PCDHGA8: variants seen among roughly 807,000 people sequenced by gnomAD.
PCDHGA8 encodes protocadherin gamma-A8.
Under a neutral mutation model 59.2 loss-of-function variants are expected in PCDHGA8, and 45 were observed. The ratio of observed to expected loss-of-function variants is 0.76; its 90% CI spans 0.60 to 0.98. The LOEUF (loss-of-function observed/expected upper bound fraction) is 0.98. Ranked by LOEUF, PCDHGA8 falls within the 50% of genes least tolerant of loss-of-function variation. The pLI, the probability that PCDHGA8 is intolerant of heterozygous loss-of-function variation, is 0.00. For missense variants in PCDHGA8, 1,257 were observed against 1,196.2 expected, an observed-to-expected ratio of 1.05 and a Z score of -0.75; for synonymous variants, 531 against 519.0, an observed-to-expected ratio of 1.02 and a Z score of -0.32.
Position 141,476,489 on chromosome 5 carries a change from A to G in PCDHGA8, c.2425-18318A>G. ...GGAGCTGTTCAGCGTGGAAGTGGTGATCCAGGACATCAACGACAACAATCC... is the reference window on the plus strand; with the variant it reads ...GGAGCTGTTCAGCGTGGAAGTGGTGGTCCAGGACATCAACGACAACAATCC... On this transcript the variant is annotated intron_variant, in intron 1 of 3. Coordinates refer to ENST00000398604, the MANE Select transcript of PCDHGA8 (RefSeq NM_032088.2). The surrounding 1 kb of genome is among the most constrained non-coding windows in gnomAD (Gnocchi z 7.6). The G allele has an allele frequency of 6.2e-7, 1 of 1,613,928 alleles. No individual in the cohort carries two copies. Among genetic ancestry groups the G allele is most frequent in the Non-Finnish European group, 8.5e-7 (1 of 1,179,976 alleles).
intron 1 of PCDHGA8, chr5:141,395,804 A>C (rs150880061): frequency 6.6e-6 from 1 of 152,224 alleles, no homozygotes; most frequent in Non-Finnish European, 1.5e-5. Context: ...ACCATCCTTC[A>C]AAACATGAAC....
rs1460175237 is a variant in PCDHGA8, at chr5:141,485,185, G to A, written c.2425-9622G>A. ...AGCGGGCGGCAGCAATGCTCCGCAAGGTGAGAAGCTGGACAGAAATCTGGC... is the reference window on the plus strand; with the variant it reads ...AGCGGGCGGCAGCAATGCTCCGCAAAGTGAGAAGCTGGACAGAAATCTGGC... On this transcript the variant is annotated intron_variant, in intron 1 of 3. Transcript: ENST00000398604. This position sits in a 1 kb window ranked among gnomAD's most constrained non-coding sequence, Gnocchi z 5.7. 3.1e-6 allele frequency: 5 copies of A among 1,613,528 alleles called. No individual in the cohort carries two copies. Among genetic ancestry groups the A allele is most frequent in the African/African-American group, 2.7e-5 (2 of 75,052 alleles).
Position 141,485,098 on chromosome 5 carries a change from A to G in PCDHGA8, c.2425-9709A>G, listed in dbSNP as rs2099606903. ...CGGGGAAAGGGAGATAGGTGTCTCCAGCTGCTGTGGCTGTTTGGGGCGGGT... is the reference window on the plus strand; with the variant it reads ...CGGGGAAAGGGAGATAGGTGTCTCCGGCTGCTGTGGCTGTTTGGGGCGGGT... On this transcript the variant is annotated intron_variant, in intron 1 of 3. Transcript: ENST00000398604. This position sits in a 1 kb window ranked among gnomAD's most constrained non-coding sequence, Gnocchi z 5.7. 8.8e-7 allele frequency: 1 copy of G among 1,134,792 alleles called. No individual in the cohort carries two copies. Among genetic ancestry groups the G allele is most frequent in the South Asian group, 1.4e-5 (1 of 71,796 alleles). The allele number at this position is 1,134,792 out of a possible 1,614,324, so 70.3% of individuals were successfully genotyped here. A position where few individuals can be genotyped will look rare whatever the true frequency, so the allele number is the denominator to read the frequency against.
intron 2 of PCDHGA8, among the ~76,000 whole-genome samples, chr5:141,496,125 T>C (rs1318749514): frequency 6.8e-6 from 1 of 146,032 alleles, no homozygotes; most frequent in Non-Finnish European, 1.5e-5. Context: ...TCCCTGCCCC[T>C]CACACACTGA....
rs766885846 is a variant in PCDHGA8 at position 141,393,434 on chromosome 5, TCAC to T, written c.626_628del (p.His209del). The stretch of plus-strand genomic sequence containing the variant: ...CCCTGGACAGGGAGGAAGAGGCTGC[TCAC>T]CACCTGGTCCTCACGGCCTCGGATG... On this transcript the variant is annotated inframe_deletion, in exon 1 of 4. Coordinates refer to ENST00000398604, the MANE Select transcript of PCDHGA8 (RefSeq NM_032088.2). 11 of 1,613,902 alleles carry T rather than the reference TCAC, an allele frequency of 6.8e-6. No individual in the cohort carries two copies. The African/African-American group carries it at 1.2e-4, about 18-fold the overall frequency.
intron 1 of PCDHGA8, chr5:141,418,849 G>T (rs1479117344): frequency 1.5e-5 from 25 of 1,613,886 alleles, no homozygotes; most frequent in Non-Finnish European, 1.8e-5. Context: ...TCTCAACACG[G>T]TGTAAAGTAA....
At chr5:141,427,355 C>T (rs765449381) in intron 1 of PCDHGA8, 2 of 457,430 alleles carry the variant, frequency 4.4e-6, no homozygotes, top group African/African-American at 2.0e-5. Flanking sequence ...TAACTGAGGA[C>T]GCAGAACCCT....
At chr5:141,484,620 C>G (rs536622819) in intron 1 of PCDHGA8, among the ~76,000 whole-genome samples, 25 of 151,974 alleles carry the variant, frequency 1.6e-4, no homozygotes, top group African/African-American at 6.0e-4. Flanking sequence ...ACAACACTGG[C>G]TTGAACAAAG....
intron 1 of PCDHGA8, chr5:141,419,512 G>T (rs754877872): frequency 3.7e-6 from 6 of 1,612,296 alleles, no homozygotes; most frequent in South Asian, 1.1e-5. Context: ...TGCGCGTGTT[G>T]GTGGGCGACC....
chr5:141,487,403 C>T lies in PCDHGA8; in HGVS notation c.2425-7404C>T. 1 of 1,614,140 alleles carries T rather than the reference C, an allele frequency of 6.2e-7. No homozygotes were observed. Among genetic ancestry groups the T allele is most frequent in the South Asian group, 1.1e-5 (1 of 91,082 alleles). ...CAGATCTCGAAGGAGGGAGGGGCTTCCCCCTTCCAATGGGATCCTCCGAAT... is the reference window on the plus strand; with the variant it reads ...CAGATCTCGAAGGAGGGAGGGGCTTTCCCCTTCCAATGGGATCCTCCGAAT... On this transcript the variant is annotated intron_variant, in intron 1 of 3. Coordinates refer to ENST00000398604, the MANE Select transcript of PCDHGA8 (RefSeq NM_032088.2). The surrounding 1 kb of genome is among the most constrained non-coding windows in gnomAD (Gnocchi z 5.0).
chr5:141,478,623 G>A, intron 1 of PCDHGA8: 2 of 1,554,358 alleles, frequency 1.3e-6, no homozygotes, highest in Non-Finnish European at 1.7e-6. Flanking sequence ...GAATGGAGCT[G>A]TTTTTTTAGT....
intron 1 of PCDHGA8, among the ~76,000 whole-genome samples, chr5:141,469,642 A>G (rs1339074059): frequency 2.0e-5 from 3 of 152,244 alleles, no homozygotes; most frequent in Admixed American, 6.5e-5. Flanking sequence ...AAATATTTTG[A>G]TGACATAATT....
In PCDHGA8 at chr5:141,490,304, T is replaced by G. The variant is rs2099698490; in HGVS notation, c.2425-4503T>G. On this transcript the variant is annotated intron_variant, in intron 1 of 3. Coordinates refer to ENST00000398604, the MANE Select transcript of PCDHGA8 (RefSeq NM_032088.2). This position sits in a 1 kb window ranked among gnomAD's most constrained non-coding sequence, Gnocchi z 5.4. ...GCCCCAGAGGTGCTATTGGCCTCTT[T>G]GGCCAACCCTGTCCTAGAGAGCACA... 1.2e-6 allele frequency: 2 copies of G among 1,614,026 alleles called. No homozygotes were observed. The highest frequency in any genetic ancestry group is 1.7e-5 in the Admixed American group (1 of 60,010).
intron 1 of PCDHGA8, among the ~76,000 whole-genome samples, chr5:141,447,413 C>T (rs1279399546): frequency 6.6e-6 from 1 of 152,204 alleles, no homozygotes; most frequent in Non-Finnish European, 1.5e-5. Flanking sequence ...GCTGGGATTA[C>T]AGGCGTGAGC....
intron 2 of PCDHGA8, among the ~76,000 whole-genome samples, chr5:141,500,793 A>G (rs1245472175): frequency 6.6e-6 from 1 of 152,210 alleles, no homozygotes; most frequent in Non-Finnish European, 1.5e-5. Context: ...ATTTTACAGA[A>G]TAAGTCCTCA....
At chr5:141,454,685 C>A (rs1305853379) in intron 1 of PCDHGA8, among the ~76,000 whole-genome samples, 1 of 151,844 alleles carries the variant, frequency 6.6e-6, no homozygotes, top group Non-Finnish European at 1.5e-5. Context: ...GGATTACAGG[C>A]ATGAGCCACC....
At chr5:141,481,077 G>A (rs1251064585) in intron 1 of PCDHGA8, among the ~76,000 whole-genome samples, 5 of 151,906 alleles carry the variant, frequency 3.3e-5, no homozygotes, top group Non-Finnish European at 7.4e-5. Context: ...AAGAAAGAAA[G>A]AAAAAAGAAA....
At chr5:141,445,249 G>A (rs1337658576) in intron 1 of PCDHGA8, among the ~76,000 whole-genome samples, 2 of 152,170 alleles carry the variant, frequency 1.3e-5, no homozygotes, top group South Asian at 4.1e-4. Flanking sequence ...ACTATATTGT[G>A]TGAGAATATA....
Position 141,487,266 on chromosome 5 carries a change from T to A in PCDHGA8, c.2425-7541T>A. The stretch of plus-strand genomic sequence containing the variant: ...ACCCTCTACTTGGCTGTGTCCCTAG[T>A]GGCAATTTGCTTTGTCTCCTTTGGC... On this transcript the variant is annotated intron_variant, in intron 1 of 3. Transcript: ENST00000398604. This position sits in a 1 kb window ranked among gnomAD's most constrained non-coding sequence, Gnocchi z 5.0. The A allele has an allele frequency of 1.2e-6, 2 of 1,614,172 alleles. No homozygotes were observed. Among genetic ancestry groups the A allele is most frequent in the Non-Finnish European group, 8.5e-7 (1 of 1,180,036 alleles).
Sources: allele counts gnomAD v4.1 joint callset (sites outside exome capture counted in the v4.1 genomes callset), GRCh38; gene constraint gnomAD v4.1.1; non-coding constraint Gnocchi (gnomAD v3.1); transcripts MANE v1.5; gene names NCBI Gene and HGNC (gene_info 2026-07-23, HGNC 2026-07-21).